The following CHL1 variants were observed in gnomAD, a reference collection of about 807,000 sequenced individuals.
CHL1 encodes the protein cell adhesion molecule L1 like, also known as neural cell adhesion molecule L1-like protein.
CHL1 carries 96 observed loss-of-function variants against 141.9 expected under a neutral mutation model. The observed-to-expected ratio is 0.68, with a 90% CI of 0.57 to 0.80. The LOEUF (loss-of-function observed/expected upper bound fraction) is 0.80, where lower values mean the gene tolerates loss of function less well. Among genes scored for constraint, CHL1 ranks in the 30% least tolerant of loss-of-function variants. The pLI, the probability that CHL1 is intolerant of heterozygous loss-of-function variation, is 0.00. For synonymous variants in CHL1, 613 were observed against 502.2 expected, an observed-to-expected ratio of 1.22 and a Z score of -2.95; for missense variants, 1,820 against 1,457.2, an observed-to-expected ratio of 1.25 and a Z score of -4.05.
rs1003374587 is a variant in CHL1, at chr3:342,052, A to C, written c.649A>C (p.Lys217Gln). 3 of 1,612,500 alleles carry C rather than the reference A, an allele frequency of 1.9e-6. No individual in the cohort carries two copies. The highest frequency in any genetic ancestry group is 8.5e-7 in the Non-Finnish European group (1 of 1,178,768). Residue 217 changes from lysine to glutamine, a missense_variant, in exon 7 of 28, where the codon AAA becomes CAA. Transcript: ENST00000256509. ...TCCAAGATTAAGGACTATTGTACAG[A>C]AAATGCCAATGAAACTAACAGTTAA... ...AFPRLRTIVQKMPMKLTVNSL... is the reference protein window; with the variant it reads ...AFPRLRTIVQQMPMKLTVNSL...
At chr3:387,223 C>A (rs1707812921) in intron 19 of CHL1, among the ~76,000 whole-genome samples, 1 of 152,184 alleles carries the variant, frequency 6.6e-6, no homozygotes, top group African/African-American at 2.4e-5. Flanking sequence ...TTCTCAGATC[C>A]TCTAAAGGAT....
At position 271,658 on chromosome 3, in the gene CHL1, C is replaced by T. The variant is rs117876318; in HGVS notation, c.-95+26966C>T. On this transcript the variant is annotated intron_variant, in intron 2 of 27. Transcript: ENST00000256509. ...CATTGGCATAAATAGAAAGCCAGCG[C>T]GCAGAGCAGAGAAGGCTGATATTTT... Among the ~76,000 whole-genome samples, 632 of 152,146 alleles carry T rather than the reference C, an allele frequency of 4.2e-3. 11 individuals carry two copies. The highest frequency in any genetic ancestry group is 0.023 in the South Asian group (110 of 4,816).
intron 26 of CHL1, among the ~76,000 whole-genome samples, chr3:401,275 T>C (rs1709104938): frequency 6.6e-6 from 1 of 152,320 alleles, no homozygotes; most frequent in South Asian, 2.1e-4. Flanking sequence ...TTCAAAAAGT[T>C]CAGATAGTAA....
intron 1 of CHL1, among the ~76,000 whole-genome samples, chr3:229,235 C>G (rs1416593598): frequency 1.3e-5 from 2 of 152,058 alleles, no homozygotes; most frequent in African/African-American, 2.4e-5. Flanking sequence ...TATTAAAAAT[C>G]CTTCATAATG....
intron 1 of CHL1, among the ~76,000 whole-genome samples, chr3:210,905 T>A (rs958774496): frequency 6.6e-6 from 1 of 152,216 alleles, no homozygotes; most frequent in Non-Finnish European, 1.5e-5. Flanking sequence ...TGGTTTTGTC[T>A]GGAGCGAGAA....
At position 409,070 on chromosome 3, in the gene CHL1, T is replaced by A. The variant is rs1466551465; in HGVS notation, c.*3359T>A. On this transcript the variant is annotated 3_prime_UTR_variant, in exon 28 of 28. Coordinates refer to ENST00000256509, the MANE Select transcript of CHL1 (RefSeq NM_006614.4). The stretch of plus-strand genomic sequence containing the variant: ...ACATACCATTAAGATATGATTCATG[T>A]AACAATGTTAAATTAATTATAATGG... 1.3e-5 allele frequency: 2 copies of A among 152,132 alleles called. No homozygotes were observed. Among genetic ancestry groups the A allele is most frequent in the African/African-American group, 4.8e-5 (2 of 41,456 alleles). 9.4% of individuals were successfully genotyped at this position (152,132 alleles called of 1,614,324 possible). A position where few individuals can be genotyped will look rare whatever the true frequency, so the allele number is the denominator to read the frequency against.
At chr3:356,903 T>A (rs1362160471) in intron 11 of CHL1, among the ~76,000 whole-genome samples, 1 of 152,150 alleles carries the variant, frequency 6.6e-6, no homozygotes, top group African/African-American at 2.4e-5. Flanking sequence ...AGCAGAAGAG[T>A]GACACAATCT....
intron 1 of CHL1, among the ~76,000 whole-genome samples, chr3:205,225 C>T (rs1699318102): frequency 1.3e-5 from 2 of 151,934 alleles, no homozygotes; most frequent in Non-Finnish European, 2.9e-5. Flanking sequence ...ATTCTCTCAC[C>T]TCAGCCTCCC....
At chr3:252,665 C>G (rs1370652298) in intron 2 of CHL1, among the ~76,000 whole-genome samples, 1 of 151,502 alleles carries the variant, frequency 6.6e-6, no homozygotes, top group African/African-American at 2.4e-5. Flanking sequence ...ACTGATTTTC[C>G]AAGGTAAGGA....
intron 1 of CHL1, among the ~76,000 whole-genome samples, chr3:205,669 G>A (rs527616031): frequency 9.2e-5 from 14 of 152,228 alleles, no homozygotes; most frequent in Admixed American, 2.6e-4. Context: ...GCGCGCGCAC[G>A]TGTATGTGTG....
intron 2 of CHL1, among the ~76,000 whole-genome samples, chr3:260,392 C>G (rs994583252): frequency 9.2e-5 from 14 of 152,172 alleles, no homozygotes; most frequent in African/African-American, 3.1e-4. Flanking sequence ...TTTAAGTCAA[C>G]TGCATATTAC....
intron 2 of CHL1, among the ~76,000 whole-genome samples, chr3:288,831 G>C (rs757669013): frequency 1.3e-5 from 2 of 152,160 alleles, no homozygotes; most frequent in Non-Finnish European, 2.9e-5. Flanking sequence ...AATATAGTTT[G>C]AGACAAGCTT....
intron 2 of CHL1, among the ~76,000 whole-genome samples, chr3:270,941 G>C (rs1473931442): frequency 6.6e-6 from 1 of 152,206 alleles, no homozygotes; most frequent in Non-Finnish European, 1.5e-5. Flanking sequence ...TCAGAACCAA[G>C]AGGAAGTAGA....
At chr3:256,654 A>C (rs1219544374) in intron 2 of CHL1, among the ~76,000 whole-genome samples, 3 of 152,248 alleles carry the variant, frequency 2.0e-5, no homozygotes, top group Non-Finnish European at 4.4e-5. Context: ...AAATGGAATC[A>C]TGCTGAGGTT....
chr3:225,093 C>A (rs942655997), intron 1 of CHL1, among the ~76,000 whole-genome samples: 1 of 152,172 alleles, frequency 6.6e-6, no homozygotes, highest in African/African-American at 2.4e-5. Flanking sequence ...AAGATCTCGC[C>A]ACTGCACTCC....
In CHL1 at chr3:213,463, T is replaced by TA. The variant is rs1700058655; in HGVS notation, c.-175+16401dup. 2.0e-5 allele frequency: 3 copies of TA among 152,170 alleles called. No homozygotes were observed. The South Asian group carries it at 6.2e-4, about 32-fold the overall frequency. The allele number at this position is 152,170 out of a possible 1,614,324, so 9.4% of individuals were successfully genotyped here. ...TAGGTGAATTCCAAGATGAAATAGA[T>TA]AGACTTTCTGGCCTGAAGTTGCTTA... On this transcript the variant is annotated intron_variant, in intron 1 of 27. Transcript: ENST00000256509.
At chr3:229,947 T>C (rs1437514504) in intron 1 of CHL1, among the ~76,000 whole-genome samples, 2 of 152,154 alleles carry the variant, frequency 1.3e-5, no homozygotes, top group East Asian at 3.8e-4. Context: ...TCACATCTCC[T>C]TGTCTGTGCA....
chr3:250,853 C>A (rs1322909632), intron 2 of CHL1, among the ~76,000 whole-genome samples: 2 of 152,020 alleles, frequency 1.3e-5, no homozygotes, highest in Non-Finnish European at 2.9e-5. Flanking sequence ...TTCTAGTTGT[C>A]TAATTATAGG....
chr3:238,219 GA>G (rs1692183380), intron 1 of CHL1, among the ~76,000 whole-genome samples: 1 of 152,022 alleles, frequency 6.6e-6, no homozygotes, highest in African/African-American at 2.4e-5. Context: ...TCCATGATTT[GA>G]ATCAAGAACT....
Sources: gnomAD v4.1 joint callset for allele counts (sites outside exome capture counted in the v4.1 genomes callset) on GRCh38, gnomAD v4.1.1 for gene constraint, MANE v1.5 for transcripts, NCBI Gene and HGNC (gene_info 2026-07-23, HGNC 2026-07-21) for gene names.